The following ADGRA3 variants were observed in gnomAD, a reference collection of about 807,000 sequenced individuals.
ADGRA3 encodes adhesion G protein-coupled receptor A3, also known as G-protein coupled receptor 125.
A neutral mutation model predicts 119.8 loss-of-function variants in ADGRA3; 56 were observed. The ratio of observed to expected loss-of-function variants is 0.47; its 90% confidence interval spans 0.38 to 0.58. The LOEUF (loss-of-function observed/expected upper bound fraction) is 0.58. ADGRA3 is among the 20% of genes least tolerant of loss of function. The pLI, the probability that ADGRA3 is intolerant of heterozygous loss-of-function variation, is 0.00. For missense variants in ADGRA3, 1,516 were observed against 1,649.0 expected (o/e 0.92, Z 1.40); for synonymous variants, 607 against 623.8 (o/e 0.97, Z 0.40).
intron 12 of ADGRA3, among the ~76,000 whole-genome samples, chr4:22,419,614 G>A (rs926454085): frequency 1.3e-5 from 2 of 152,098 alleles, no homozygotes; most frequent in African/African-American, 2.4e-5. Context: ...GTAGGGTTTC[G>A]TCATTTTTAA....
At position 22,413,786 on chromosome 4, in the gene ADGRA3, A is replaced by G; in HGVS notation, c.1838T>C (p.Leu613Pro). 1 of 1,613,388 alleles carries G rather than the reference A, an allele frequency of 6.2e-7. No individual in the cohort carries two copies. The highest frequency in any genetic ancestry group is 8.5e-7 in the Non-Finnish European group (1 of 1,179,520). The part of the protein sequence containing the change: ...KNTIVEASIQ[L>P]PPSLFSPKQK... ...CTTTGGTGAGAAAAGGGAAGGAGGAAGCTGAATAGAAGCCTCCACAATAGT... is the reference window on the plus strand; with the variant it reads ...CTTTGGTGAGAAAAGGGAAGGAGGAGGCTGAATAGAAGCCTCCACAATAGT... The change falls in exon 13 of 19, where the codon CTT (leucine) becomes CCT (proline). Residue 613 changes from leucine (L) to proline (P), a missense_variant. By Grantham distance (98) the Leu-to-Pro change is moderately conservative. Coordinates refer to ENST00000334304, the MANE Select transcript of ADGRA3 (RefSeq NM_145290.4).
chr4:22,424,397 A>T, intron 10 of ADGRA3, 45 bp from the exon 11 acceptor site: 1 of 1,581,670 alleles, frequency 6.3e-7, no homozygotes, highest in Non-Finnish European at 8.6e-7. Flanking sequence ...TAAAACCACC[A>T]TAAACTATTT....
chr4:22,421,010 T>C lies in ADGRA3; in HGVS notation c.1685A>G (p.Lys562Arg), dbSNP rs1715649350. Residue 562 changes from lysine (K) to arginine (R), a missense_variant, in exon 12 of 19, where the codon AAA (lysine) becomes AGA (arginine). By Grantham distance (26) the Lys-to-Arg change is conservative (BLOSUM62 2). This residue lies in a region of ADGRA3 where 1,088 missense variants were observed against 1,107.1 expected (regional missense o/e 0.98). Coordinates refer to ENST00000334304, the MANE Select transcript of ADGRA3 (RefSeq NM_145290.4). ...FTGMTCTVFQ[K>R]VAASDRTGLS... ...TCCTGTACGATCAGAGGCTGCCACTTTCTGGAACACGGTACAGGTCATCCC... is the reference window on the plus strand; with the variant it reads ...TCCTGTACGATCAGAGGCTGCCACTCTCTGGAACACGGTACAGGTCATCCC... 6.2e-7 allele frequency: 1 copy of C among 1,614,112 alleles called. No individual in the cohort carries two copies. The highest frequency in any genetic ancestry group is 2.2e-5 in the East Asian group (1 of 44,876).
At position 22,438,334 on chromosome 4, in the gene ADGRA3, G is replaced by T. The variant is rs774838047; in HGVS notation, c.1007C>A (p.Thr336Asn). 1 of 1,612,678 alleles carries T rather than the reference G, an allele frequency of 6.2e-7. No homozygotes were observed. Among genetic ancestry groups the T allele is most frequent in the East Asian group, 2.2e-5 (1 of 44,862 alleles). ...VQTKRGNNTR[T>N]VDIVVLESSA... ...ACTCTCTAATACCACAATATCCACA[G>T]TCCTCGTATTATTCCCACGTTTGGT... The change falls in exon 8 of 19, where the codon ACT becomes AAT. Residue 336 changes from threonine to asparagine, a missense_variant. This residue lies in a region of ADGRA3 where 428 missense variants were observed against 541.9 expected (regional missense o/e 0.79). Transcript: ENST00000334304.
intron 7 of ADGRA3, among the ~76,000 whole-genome samples, chr4:22,440,656 A>T (rs1716575630): frequency 6.6e-6 from 1 of 152,198 alleles, no homozygotes; most frequent in Non-Finnish European, 1.5e-5. Flanking sequence ...TTTATACAGT[A>T]AATCTACTTA....
At chr4:22,501,861 G>T (rs4697311) in intron 1 of ADGRA3, among the ~76,000 whole-genome samples, 152,111 of 152,158 alleles carry the variant, frequency 1, 76,032 homozygotes, top group Non-Finnish European at 1. Flanking sequence ...GGTTGCTAAC[G>T]TCTAGCTAAG....
chr4:22,422,824 G>C (rs1175242176), intron 11 of ADGRA3, among the ~76,000 whole-genome samples: 1 of 152,146 alleles, frequency 6.6e-6, no homozygotes, highest in East Asian at 1.9e-4. Context: ...AATGGCGGAG[G>C]TGGACATAAA....
intron 1 of ADGRA3, among the ~76,000 whole-genome samples, chr4:22,493,773 T>A (rs1367804654): frequency 6.6e-6 from 1 of 152,098 alleles, no homozygotes; most frequent in East Asian, 1.9e-4. Flanking sequence ...TGGGCTGCAT[T>A]CCCAAACAGT....
intron 12 of ADGRA3, chr4:22,414,477 A>AAT (rs1553873891): frequency 5.5e-5 from 26 of 475,934 alleles, no homozygotes; most frequent in South Asian, 1.3e-4. Flanking sequence ...TTCAGTAAAA[A>AAT]ATATATATAT....
At chr4:22,477,854 T>A (rs950459007) in intron 1 of ADGRA3, among the ~76,000 whole-genome samples, 1 of 152,234 alleles carries the variant, frequency 6.6e-6, no homozygotes, top group African/African-American at 2.4e-5. Flanking sequence ...AGAATCAGTA[T>A]GAATAAATCT....
intron 12 of ADGRA3, among the ~76,000 whole-genome samples, chr4:22,417,502 A>G (rs575103215): frequency 7.0e-4 from 106 of 152,176 alleles, no homozygotes; most frequent in Non-Finnish European, 1.2e-3. Context: ...GTTAAGGACC[A>G]TTTCATAATC....
chr4:22,409,769 T>C (rs1201814531), intron 14 of ADGRA3, among the ~76,000 whole-genome samples: 1 of 152,206 alleles, frequency 6.6e-6, no homozygotes, highest in Non-Finnish European at 1.5e-5. Context: ...GTGTGTAGTA[T>C]GCAACCTTTG....
At position 22,515,519 on chromosome 4, in the gene ADGRA3, G is replaced by A. The variant is rs775704102; in HGVS notation, c.257+9C>T. ...CGGGAGAGGACCCAGCGTCGCGGGAGATACTCACAGGGTGACCGTGCGGTT... is the reference window on the plus strand; with the variant it reads ...CGGGAGAGGACCCAGCGTCGCGGGAAATACTCACAGGGTGACCGTGCGGTT... On this transcript the variant is annotated intron_variant, in intron 1 of 18. Coordinates refer to ENST00000334304, the MANE Select transcript of ADGRA3 (RefSeq NM_145290.4). The A allele has an allele frequency of 1.7e-5, 28 of 1,603,594 alleles. No homozygotes were observed. The highest frequency in any genetic ancestry group is 4.0e-5 in the African/African-American group (3 of 74,098).
chr4:22,400,096 TCTG>T (rs1337304477), intron 16 of ADGRA3, among the ~76,000 whole-genome samples: 2 of 152,204 alleles, frequency 1.3e-5, no homozygotes, highest in Non-Finnish European at 2.9e-5. Context: ...GCAGTTCGTC[TCTG>T]CTAAACGTTC....
At chr4:22,504,426 G>A (rs1438287419) in intron 1 of ADGRA3, among the ~76,000 whole-genome samples, 2 of 152,062 alleles carry the variant, frequency 1.3e-5, no homozygotes, top group Non-Finnish European at 2.9e-5. Context: ...TCTCTCCAAG[G>A]TGCCTGTCAA....
intron 1 of ADGRA3, among the ~76,000 whole-genome samples, chr4:22,508,489 G>A (rs927420601): frequency 2.6e-5 from 4 of 152,166 alleles, no homozygotes; most frequent in African/African-American, 9.7e-5. Context: ...CTCAACCGAT[G>A]TCCATGGAAA....
At chr4:22,462,595 A>G (rs61792033) in intron 2 of ADGRA3, among the ~76,000 whole-genome samples, 4,832 of 152,308 alleles carry the variant, frequency 0.032, 129 homozygotes, top group East Asian at 0.073. Context: ...GATTACAGGC[A>G]TGAGCCACTG....
intron 2 of ADGRA3, among the ~76,000 whole-genome samples, chr4:22,468,553 G>C (rs1469771828): frequency 6.6e-6 from 1 of 151,514 alleles, no homozygotes; most frequent in African/African-American, 2.4e-5. Flanking sequence ...CAGATCACTT[G>C]AGGTCAGGAG....
chr4:22,396,318 G>C (rs1714352072), intron 16 of ADGRA3, among the ~76,000 whole-genome samples: 1 of 152,174 alleles, frequency 6.6e-6, no homozygotes, highest in Non-Finnish European at 1.5e-5. Flanking sequence ...CACTGTGAGG[G>C]AAGAAACTAC....
Sources: allele counts gnomAD v4.1 joint callset (sites outside exome capture counted in the v4.1 genomes callset), GRCh38; gene constraint gnomAD v4.1.1; regional missense constraint gnomAD v4.1.1; transcripts MANE v1.5; gene names NCBI Gene and HGNC (gene_info 2026-07-23, HGNC 2026-07-21).